MSI2: variants seen among roughly 807,000 people sequenced by gnomAD.
MSI2 encodes the protein RNA-binding protein Musashi homolog 2.
Under a neutral mutation model 45.6 loss-of-function variants are expected in MSI2, and 17 were observed. That is an observed-to-expected ratio of 0.37 (90% CI 0.26 to 0.56). MSI2 has a LOEUF of 0.56. MSI2 is among the 20% of genes least tolerant of loss of function. The probability of loss-of-function intolerance (pLI) is 0.77; values close to 1 mark genes in which losing one functional copy is unlikely to be tolerated. For synonymous variants in MSI2, 156 were observed against 158.2 expected (o/e 0.99, Z 0.11); for missense variants, 293 against 444.2 (o/e 0.66, Z 3.06).
chr17:57,398,088 G>T (rs1380394390), intron 5 of MSI2, among the ~76,000 whole-genome samples: 1 of 152,176 alleles, frequency 6.6e-6, no homozygotes, highest in African/African-American at 2.4e-5. Context: ...GGCTAGGCAG[G>T]TTTATGGCTA....
At chr17:57,481,782 A>T (rs867195043) in intron 6 of MSI2, among the ~76,000 whole-genome samples, 31 of 152,234 alleles carry the variant, frequency 2.0e-4, no homozygotes, top group Admixed American at 3.9e-4. Context: ...GTCAAAATCA[A>T]TCCATAGCTA....
chr17:57,389,447 C>A (rs1378389157), intron 5 of MSI2, among the ~76,000 whole-genome samples: 1 of 152,158 alleles, frequency 6.6e-6, no homozygotes, highest in Admixed American at 6.5e-5. Flanking sequence ...GCTGCAAAGG[C>A]CCTTCTCCCC....
At chr17:57,425,673 T>A (rs1251506853) in intron 6 of MSI2, among the ~76,000 whole-genome samples, 5 of 152,262 alleles carry the variant, frequency 3.3e-5, no homozygotes, top group African/African-American at 1.2e-4. Flanking sequence ...ATCATTATGA[T>A]CATTGTTTGG....
intron 5 of MSI2, among the ~76,000 whole-genome samples, chr17:57,353,494 C>G (rs147161498): frequency 6.6e-6 from 1 of 152,296 alleles, no homozygotes; most frequent in African/African-American, 2.4e-5. Flanking sequence ...AGTGGAGGAG[C>G]TCCTAAGACA....
At chr17:57,348,661 G>C (rs1915795108) in intron 5 of MSI2, among the ~76,000 whole-genome samples, 1 of 152,248 alleles carries the variant, frequency 6.6e-6, no homozygotes, top group African/African-American at 2.4e-5. Flanking sequence ...GCCTTCGCTG[G>C]AAGCCGTGCA....
intron 7 of MSI2, among the ~76,000 whole-genome samples, chr17:57,587,808 C>G (rs970175277): frequency 6.6e-6 from 1 of 152,180 alleles, no homozygotes; most frequent in African/African-American, 2.4e-5. Context: ...TCTTGTTTCT[C>G]TCCTCATTAT....
intron 6 of MSI2, among the ~76,000 whole-genome samples, chr17:57,402,670 A>T (rs969309494): frequency 6.6e-6 from 1 of 152,198 alleles, no homozygotes; most frequent in Non-Finnish European, 1.5e-5. Flanking sequence ...ATTCAGCCTC[A>T]AAATGGAGAT....
intron 10 of MSI2, among the ~76,000 whole-genome samples, chr17:57,643,628 A>G (rs565639977): frequency 6.6e-6 from 1 of 152,290 alleles, no homozygotes; most frequent in South Asian, 2.1e-4. Flanking sequence ...CCTAACTTCT[A>G]TTTTATGCTT....
chr17:57,678,900 C>A (rs571177776), intron 13 of MSI2, among the ~76,000 whole-genome samples: 111 of 152,360 alleles, frequency 7.3e-4, no homozygotes, highest in African/African-American at 2.5e-3. Flanking sequence ...CATTCAGCGC[C>A]ATCCACAAAA....
intron 6 of MSI2, chr17:57,450,273 A>AAGAGAGAAAGAGAGAAAGAGAGAAAGAG (rs1567830663): frequency 3.7e-5 from 4 of 109,490 alleles, no homozygotes; most frequent in African/African-American, 1.5e-4. Flanking sequence ...GAAAGAAAGA[A>AAGAGAGAAAGAGAGAAAGAGAGAAAGAG]AGAAAGAAAG....
intron 5 of MSI2, among the ~76,000 whole-genome samples, chr17:57,293,607 GT>G (rs59810704): frequency 1.5e-5 from 1 of 68,864 alleles, no homozygotes; most frequent in African/African-American, 4.0e-5. Flanking sequence ...TTTTTTTTTT[GT>G]TTTTTTTTGT....
At chr17:57,554,489 A>G (rs777495667) in intron 7 of MSI2, among the ~76,000 whole-genome samples, 2 of 152,164 alleles carry the variant, frequency 1.3e-5, no homozygotes, top group Non-Finnish European at 2.9e-5. Context: ...ATGTGTGCAC[A>G]CGCGCTTGTT....
Position 57,529,599 on chromosome 17 carries a change from C to T in MSI2, c.406-77C>T, listed in dbSNP as rs1021081661. 7.4e-6 allele frequency: 10 copies of T among 1,348,070 alleles called. No homozygotes were observed. The highest frequency in any genetic ancestry group is 1.8e-5 in the Admixed American group (1 of 56,796). 83.5% of individuals were successfully genotyped at this position (1,348,070 alleles called of 1,614,324 possible). On this transcript the variant is annotated intron_variant, in intron 6 of 13. Transcript: ENST00000284073. The surrounding 1 kb of genome is among the most constrained non-coding windows in gnomAD (Gnocchi z 5.3). ...TCTGTAATGGAAACTACCCCCTCAC[C>T]CCCCGACATGCATATAATGTTTTGT...
intron 10 of MSI2, among the ~76,000 whole-genome samples, chr17:57,639,276 T>TGAGG (rs1463298255): frequency 6.6e-6 from 1 of 152,230 alleles, no homozygotes; most frequent in African/African-American, 2.4e-5. Context: ...AGGCAGATGA[T>TGAGG]GAGGGAGGGT....
intron 7 of MSI2, among the ~76,000 whole-genome samples, chr17:57,540,627 G>A (rs1423647316): frequency 6.6e-6 from 1 of 152,230 alleles, no homozygotes; most frequent in African/African-American, 2.4e-5. Flanking sequence ...TGTGAAGAGA[G>A]AGACACAGGG....
intron 7 of MSI2, among the ~76,000 whole-genome samples, chr17:57,577,236 T>C (rs988015314): frequency 2.6e-5 from 4 of 152,218 alleles, no homozygotes; most frequent in African/African-American, 9.6e-5. Context: ...GGCTGAAGAA[T>C]TTAGCAACAC....
At chr17:57,540,179 G>C (rs904622919) in intron 7 of MSI2, among the ~76,000 whole-genome samples, 1 of 152,180 alleles carries the variant, frequency 6.6e-6, no homozygotes, top group African/African-American at 2.4e-5. Context: ...CATGGACTTG[G>C]GAAGTTTAAG....
intron 10 of MSI2, among the ~76,000 whole-genome samples, chr17:57,649,417 C>G (rs1910955751): frequency 6.7e-6 from 1 of 149,446 alleles, no homozygotes; most frequent in Middle Eastern, 3.2e-3. Flanking sequence ...ATGTACACAA[C>G]ACATTCAATA....
chr17:57,652,886 G>T lies in MSI2; in HGVS notation c.790+725G>T, dbSNP rs1911276405. On this transcript the variant is annotated intron_variant, in intron 11 of 13. Transcript: ENST00000284073. The surrounding 1 kb of genome is among the most constrained non-coding windows in gnomAD (Gnocchi z 4.1). ...AGGCCAGAGCTGGGATATGTCCAGG[G>T]TGCCCGGGGTCCCTTTTGTCCCTCT... is the stretch of plus-strand genomic sequence containing the variant. Among the ~76,000 whole-genome samples the T allele has an allele frequency of 6.6e-6, 1 of 152,178 alleles. No homozygotes were observed. The highest frequency in any genetic ancestry group is 2.1e-4 in the South Asian group (1 of 4,818).
Sources: allele counts gnomAD v4.1 joint callset (sites outside exome capture counted in the v4.1 genomes callset), GRCh38; gene constraint gnomAD v4.1.1; non-coding constraint Gnocchi (gnomAD v3.1); transcripts MANE v1.5; gene names NCBI Gene and HGNC (gene_info 2026-07-23, HGNC 2026-07-21).